The following RBM20 variants were observed in gnomAD, a reference collection of about 807,000 sequenced individuals.
RBM20 encodes the protein RNA-binding protein 20.
A neutral mutation model predicts 110.1 loss-of-function variants in RBM20; 51 were observed. That is an observed-to-expected ratio of 0.46 (90% CI 0.37 to 0.59). The LOEUF is 0.59. Among genes scored for constraint, RBM20 ranks in the 20% least tolerant of loss-of-function variants. The pLI, the probability that RBM20 is intolerant of heterozygous loss-of-function variation, is 0.00. For missense variants in RBM20, 1,512 were observed against 1,574.9 expected, an observed-to-expected ratio of 0.96 and a Z score of 0.68; for synonymous variants, 589 against 618.2, an observed-to-expected ratio of 0.95 and a Z score of 0.70.
chr10:110,800,936 G>A (rs1844614587), intron 7 of RBM20, among the ~76,000 whole-genome samples: 2 of 152,146 alleles, frequency 1.3e-5, no homozygotes, highest in African/African-American at 4.8e-5. Flanking sequence ...CATTTGAGTT[G>A]TTTTAGGGAC....
At chr10:110,718,465 T>C (rs1843461185) in intron 1 of RBM20, among the ~76,000 whole-genome samples, 1 of 152,154 alleles carries the variant, frequency 6.6e-6, no homozygotes, top group Non-Finnish European at 1.5e-5. Flanking sequence ...CTGGTATTTC[T>C]ATCTGTATGT....
rs11370585 is a variant in RBM20 at position 110,825,045 on chromosome 10, CT to C, written c.3451+1441del. Reference sequence around the variant, plus strand: ...TAGTCAGATCTGGAGAGCAAACTTCCTTTTTTTTTTAAGGGATAAATTTGCT... The same window carrying C: ...TAGTCAGATCTGGAGAGCAAACTTCCTTTTTTTTTAAGGGATAAATTTGCT... On this transcript the variant is annotated intron_variant, in intron 12 of 13. Transcript: ENST00000369519. Among the ~76,000 whole-genome samples, 28 of 149,740 alleles carry C rather than the reference CT, an allele frequency of 1.9e-4. No individual in the cohort carries two copies. The South Asian group carries it at 2.3e-3, about 13-fold the overall frequency.
chr10:110,705,776 C>T (rs1446243831), intron 1 of RBM20, among the ~76,000 whole-genome samples: 1 of 152,202 alleles, frequency 6.6e-6, no homozygotes, highest in Non-Finnish European at 1.5e-5. Context: ...TTCTCATTGA[C>T]ATTGTTTAGA....
chr10:110,832,674 T>C (rs1444564594), intron 13 of RBM20, among the ~76,000 whole-genome samples: 1 of 152,244 alleles, frequency 6.6e-6, no homozygotes, highest in Admixed American at 6.5e-5. Context: ...CGCCTGATTC[T>C]GAATCACTTT....
At chr10:110,805,701 G>A (rs1048289155) in intron 7 of RBM20, among the ~76,000 whole-genome samples, 1 of 152,196 alleles carries the variant, frequency 6.6e-6, no homozygotes, top group African/African-American at 2.4e-5. Flanking sequence ...CTCTTCCTGG[G>A]TTGAGATTCC....
intron 1 of RBM20, among the ~76,000 whole-genome samples, chr10:110,687,911 T>A (rs1862527965): frequency 6.6e-6 from 1 of 152,116 alleles, no homozygotes; most frequent in Admixed American, 6.6e-5. Context: ...TCTAACCAGC[T>A]CCTAGATTAA....
At chr10:110,682,922 T>C (rs1045850473) in intron 1 of RBM20, among the ~76,000 whole-genome samples, 1 of 152,242 alleles carries the variant, frequency 6.6e-6, no homozygotes, top group Non-Finnish European at 1.5e-5. Context: ...CTCCATTTAT[T>C]ATTTGGAATT....
chr10:110,727,045 G>A lies in RBM20; in HGVS notation c.192-53756G>A, dbSNP rs189628335. Among the ~76,000 whole-genome samples the A allele has an allele frequency of 5.9e-3, 887 of 150,192 alleles. 11 individuals carry two copies. Among genetic ancestry groups the A allele is most frequent in the African/African-American group, 0.021 (843 of 40,814 alleles). On this transcript the variant is annotated intron_variant, in intron 1 of 13. Transcript: ENST00000369519. ...GTGTTTTTAGCAGAGACAGGGTTTC[G>A]TCATGTTGGCCAGGCTGGTCTCAAA...
At chr10:110,727,419 A>AAAAAATAAAAAAAAAAAAATAAAAAAAAT (rs377734576) in intron 1 of RBM20, among the ~76,000 whole-genome samples, 6 of 146,802 alleles carry the variant, frequency 4.1e-5, no homozygotes, top group Non-Finnish European at 6.0e-5. Flanking sequence ...AAATAAAAAA[A>AAAAAATAAAAAAAAAAAAATAAAAAAAAT]AAATAAATAA....
rs1296789221 is a variant in RBM20 at position 110,836,944 on chromosome 10, A to G, written c.*966A>G. The G allele has an allele frequency of 6.6e-6, 1 of 152,264 alleles. No homozygotes were observed. The highest frequency in any genetic ancestry group is 1.5e-5 in the Non-Finnish European group (1 of 68,062). The allele number at this position is 152,264 out of a possible 1,614,324, so 9.4% of individuals were successfully genotyped here. A position where few individuals can be genotyped will look rare whatever the true frequency, so the allele number is the denominator to read the frequency against. ...CGAGAGGCACAGCTCCAGGCTGTGG[A>G]AAACAGAGTTGTCTTGGGGGTTAAA... On this transcript the variant is annotated 3_prime_UTR_variant, in exon 14 of 14. Coordinates refer to ENST00000369519, the MANE Select transcript of RBM20 (RefSeq NM_001134363.3).
chr10:110,788,242 T>C (rs1258725570), intron 5 of RBM20, among the ~76,000 whole-genome samples: 2 of 152,132 alleles, frequency 1.3e-5, no homozygotes, highest in Admixed American at 6.5e-5. Flanking sequence ...ACAAGCCGCT[T>C]GGGAGGTTCT....
intron 1 of RBM20, among the ~76,000 whole-genome samples, chr10:110,756,968 T>C (rs955489487): frequency 6.6e-6 from 1 of 152,212 alleles, no homozygotes; most frequent in Non-Finnish European, 1.5e-5. Context: ...CAGCAAACAA[T>C]TGCCATGTGC....
In RBM20 at chr10:110,823,457, TTGCC is replaced by T; in HGVS notation, c.3317-21_3317-18del. 8 of 902,942 alleles carry T rather than the reference TTGCC, an allele frequency of 8.9e-6. No individual in the cohort carries two copies. In the South Asian group the frequency reaches 1.3e-4, roughly 14 times the overall value. 55.9% of individuals were successfully genotyped at this position (902,942 alleles called of 1,614,324 possible). ...TTTTTTTTTTTTTTTTTTTTTTTTT[TTGCC>T]TTGGTTCATGTTTTGCAGAAAACTC... On this transcript the variant is annotated intron_variant, in intron 11 of 13. Coordinates refer to ENST00000369519, the MANE Select transcript of RBM20 (RefSeq NM_001134363.3).
chr10:110,747,298 G>A (rs968982289), intron 1 of RBM20, among the ~76,000 whole-genome samples: 8 of 138,718 alleles, frequency 5.8e-5, no homozygotes, highest in African/African-American at 1.7e-4. Flanking sequence ...TCTTTTTTTG[G>A]GGGGGGGGGT....
chr10:110,678,611 C>T (rs1862377126), intron 1 of RBM20, among the ~76,000 whole-genome samples: 1 of 152,170 alleles, frequency 6.6e-6, no homozygotes, highest in African/African-American at 2.4e-5. Flanking sequence ...CATCCTGCCA[C>T]CCACTCCCTT....
At chr10:110,816,973 T>C (rs1296777553) in intron 9 of RBM20, among the ~76,000 whole-genome samples, 1 of 152,202 alleles carries the variant, frequency 6.6e-6, no homozygotes, top group East Asian at 1.9e-4. Flanking sequence ...TGCTCCGTGG[T>C]GATGGGTGGC....
chr10:110,782,087 G>A (rs188156645), intron 2 of RBM20, among the ~76,000 whole-genome samples: 2 of 152,344 alleles, frequency 1.3e-5, no homozygotes, highest in Admixed American at 1.3e-4. Context: ...TTGCTTGAAG[G>A]TGAGTCAGAA....
At chr10:110,751,944 C>T (rs1052533588) in intron 1 of RBM20, among the ~76,000 whole-genome samples, 3 of 151,858 alleles carry the variant, frequency 2.0e-5, no homozygotes, top group Non-Finnish European at 4.4e-5. Context: ...CAGAGATTTC[C>T]GATATACCCC....
intron 7 of RBM20, among the ~76,000 whole-genome samples, chr10:110,801,418 A>G (rs12354559): frequency 0.12 from 18,072 of 148,322 alleles, 1,371 homozygotes; most frequent in African/African-American, 0.23. Flanking sequence ...CAAAAGTGAA[A>G]CTCCGTCTCA....
Sources: allele counts gnomAD v4.1 joint callset (sites outside exome capture counted in the v4.1 genomes callset), GRCh38; gene constraint gnomAD v4.1.1; transcripts MANE v1.5; gene names NCBI Gene and HGNC (gene_info 2026-07-23, HGNC 2026-07-21).